Variants in NLRP13 observed in about 807,000 individuals in gnomAD.
The protein encoded by NLRP13 is NACHT, LRR and PYD domains-containing protein 13.
In NLRP13, 82 loss-of-function variants were observed where a neutral mutation model predicts 94.4. That is an observed-to-expected ratio of 0.87 (90% CI 0.73 to 1.04). The LOEUF (loss-of-function observed/expected upper bound fraction) is 1.04. Among genes scored for constraint, NLRP13 ranks in the 50% least tolerant of loss-of-function variants. NLRP13 has a pLI of 0.00. For missense variants in NLRP13, 1,426 were observed against 1,230.8 expected (o/e 1.16, Z -2.37); for synonymous variants, 553 against 464.7 (o/e 1.19, Z -2.45).
rs374055976 is a variant in NLRP13, at chr19:55,897,869, C to T, written c.2957+901G>A. On this transcript the variant is annotated intron_variant, in intron 10 of 10. Coordinates refer to ENST00000342929, the MANE Select transcript of NLRP13 (RefSeq NM_176810.2). Reference sequence around the variant, plus strand: ...TTCATTTGATACTAACAAATCCTAACACTGTTTCTGAAAACATCACTGAGC... The same window carrying T: ...TTCATTTGATACTAACAAATCCTAATACTGTTTCTGAAAACATCACTGAGC... 3.1e-4 allele frequency among the ~76,000 whole-genome samples: 47 copies of T among 152,278 alleles called. 1 individual carries two copies. Among genetic ancestry groups the T allele is most frequent in the African/African-American group, 1.1e-3 (46 of 41,558 alleles).
At chr19:55,930,898 A>ATATATGTATATATAT in intron 1 of NLRP13, among the ~76,000 whole-genome samples, 1 of 104,898 alleles carries the variant, frequency 9.5e-6, no homozygotes, top group African/African-American at 3.9e-5. Flanking sequence ...ATATATATAT[A>ATATATGTATATATAT]AAATTTTAAC....
intron 9 of NLRP13, among the ~76,000 whole-genome samples, chr19:55,900,874 A>T (rs1986150124): frequency 1.3e-5 from 2 of 152,062 alleles, no homozygotes; most frequent in Admixed American, 6.6e-5. Flanking sequence ...ATAGGCCATA[A>T]ATCAATAATT....
intron 4 of NLRP13, among the ~76,000 whole-genome samples, chr19:55,917,739 A>G (rs1986706790): frequency 7.5e-6 from 1 of 133,920 alleles, no homozygotes; most frequent in Non-Finnish European, 1.8e-5. Context: ...TCCTAAACAT[A>G]TATACATCCA....
intron 6 of NLRP13, 86 bp from the exon 7 acceptor site, chr19:55,908,042 C>T: frequency 8.3e-7 from 1 of 1,199,056 alleles, no homozygotes. Flanking sequence ...CTGCCTTCTA[C>T]TACACTCACT....
In NLRP13 at chr19:55,923,975, A is replaced by T; in HGVS notation, c.462T>A (p.Asn154Lys). 1 of 1,613,224 alleles carries T rather than the reference A, an allele frequency of 6.2e-7. No homozygotes were observed. Among genetic ancestry groups the T allele is most frequent in the East Asian group, 2.2e-5 (1 of 44,862 alleles). ...GATCTTGGCATCCCTGGGCCTGTAC[A>T]TTCCCTGAAATAAACAGTGATGATG... ...ELDELEEETGNVQAQGCQDPN... is the reference protein window; with the variant it reads ...ELDELEEETGKVQAQGCQDPN... Residue 154 changes from asparagine (N) to lysine (K), a missense_variant, in exon 4 of 11, where the codon AAT becomes AAA. Asn to Lys is a moderately conservative substitution (Grantham distance 94, BLOSUM62 0). Transcript: ENST00000342929.
chr19:55,904,139 C>T (rs984205140), intron 8 of NLRP13, among the ~76,000 whole-genome samples: 4 of 152,206 alleles, frequency 2.6e-5, no homozygotes, highest in Non-Finnish European at 5.9e-5. Flanking sequence ...GTCATCCGGG[C>T]TGGAGTGTAG....
Position 55,907,852 on chromosome 19 carries a change from A to C in NLRP13, c.2387T>G (p.Met796Arg). The C allele has an allele frequency of 1.2e-6, 2 of 1,613,938 alleles. No homozygotes were observed. Among genetic ancestry groups the C allele is most frequent in the Non-Finnish European group, 1.7e-6 (2 of 1,179,940 alleles). Residue 796 changes from methionine to arginine, a missense_variant, in exon 7 of 11, where the codon ATG becomes AGG. Transcript: ENST00000342929. ...HLNFSSNKLGMTVPLILKALR... is the reference protein window; with the variant it reads ...HLNFSSNKLGRTVPLILKALR... ...AGCTTTAAGAATCAGGGGGACAGTCATTCCCAGCTTGTTAGAGCTGAAGTT... is the reference window on the plus strand; with the variant it reads ...AGCTTTAAGAATCAGGGGGACAGTCCTTCCCAGCTTGTTAGAGCTGAAGTT...
rs143540482 is a variant in NLRP13 at position 55,932,002 on chromosome 19, C to T, written c.310G>A (p.Glu104Lys). Residue 104 changes from glutamate (E) to lysine (K), a missense_variant, in exon 1 of 11, where the codon GAG becomes AAG. Glu to Lys is a moderately conservative substitution (Grantham distance 56). Transcript: ENST00000342929. ...LTSLCEKVRA[E>K]MKENVQTQEL... ...TCTTGAGGACTCTCACCTTTCATCTCGGCTCTAACTTTCTCACACAGTGAG... is the reference window on the plus strand; with the variant it reads ...TCTTGAGGACTCTCACCTTTCATCTTGGCTCTAACTTTCTCACACAGTGAG... The T allele has an allele frequency of 3.0e-4, 485 of 1,613,246 alleles. 1 individual carries two copies. The African/African-American group carries it at 5.4e-3, about 18-fold the overall frequency.
At chr19:55,919,406 C>A (rs1272132887) in intron 4 of NLRP13, among the ~76,000 whole-genome samples, 1 of 151,928 alleles carries the variant, frequency 6.6e-6, no homozygotes, top group African/African-American at 2.4e-5. Flanking sequence ...AAAAAGGTAT[C>A]TAAATTGTAA....
intron 4 of NLRP13, among the ~76,000 whole-genome samples, chr19:55,917,640 T>C (rs1263094386): frequency 6.6e-6 from 1 of 151,962 alleles, no homozygotes; most frequent in African/African-American, 2.4e-5. Flanking sequence ...TTATATTAGT[T>C]GAAAGACTTT....
intron 1 of NLRP13, among the ~76,000 whole-genome samples, chr19:55,930,130 C>T (rs1987073650): frequency 6.6e-6 from 1 of 152,082 alleles, no homozygotes; most frequent in South Asian, 2.1e-4. Context: ...ATATGGAAGA[C>T]TCAGTATTGC....
Position 55,932,263 on chromosome 19 carries a change from G to A in NLRP13, c.49C>T (p.Leu17Phe). ...TCPNGGTNQG[L>F]LPYLMALDQY... ...TCCAGGGCCATCAGGTAAGGCAGAAGCCCTTGGTTGGTACCACCGTTGGGG... is the reference window on the plus strand; with the variant it reads ...TCCAGGGCCATCAGGTAAGGCAGAAACCCTTGGTTGGTACCACCGTTGGGG... Residue 17 changes from leucine (L) to phenylalanine (F), a missense_variant, in exon 1 of 11, where the codon CTT becomes TTT. Physicochemically the swap from Leu to Phe is conservative, Grantham distance 22. Transcript: ENST00000342929. The A allele has an allele frequency of 6.2e-7, 1 of 1,611,116 alleles. No homozygotes were observed. Among genetic ancestry groups the A allele is most frequent in the Non-Finnish European group, 8.5e-7 (1 of 1,179,240 alleles).
At chr19:55,931,724 A>AGAAAGAAAGACAGAC (rs1568449426) in intron 1 of NLRP13, among the ~76,000 whole-genome samples, 1 of 137,028 alleles carries the variant, frequency 7.3e-6, no homozygotes, top group Non-Finnish European at 1.6e-5. Context: ...AAAAAAAAAA[A>AGAAAGAAAGACAGAC]AGAAAGAAAG....
At chr19:55,898,272 C>A (rs530053605) in intron 10 of NLRP13, among the ~76,000 whole-genome samples, 1 of 144,264 alleles carries the variant, frequency 6.9e-6, no homozygotes, top group Non-Finnish European at 1.5e-5. Flanking sequence ...TGCAATGGCA[C>A]AATCTCAGCT....
At chr19:55,895,178 C>T (rs781037230), downstream of NLRP13, among the ~76,000 whole-genome samples, 24 of 144,830 alleles carry the variant, frequency 1.7e-4, 1 homozygote, top group Non-Finnish European at 3.4e-4. Context: ...GTGAAACCCC[C>T]GTGTCTACTA....
At position 55,925,026 on chromosome 19, in the gene NLRP13, T is replaced by C; in HGVS notation, c.329A>G (p.Gln110Arg). The C allele has an allele frequency of 6.2e-7, 1 of 1,614,064 alleles. No individual in the cohort carries two copies. The highest frequency in any genetic ancestry group is 8.5e-7 in the Non-Finnish European group (1 of 1,179,958). The change falls in exon 2 of 11, where the codon CAG becomes CGG. Residue 110 changes from glutamine to arginine, a missense_variant. Transcript: ENST00000342929. ...KVRAEMKENV[Q>R]TQELQDPTQE... is the part of the protein sequence containing the mutation. ...GGTTGGATCTTGCAGCTCTTGGGTC[T>C]GCACATTCTCTGAAACAAACAGTGA...
intron 7 of NLRP13, among the ~76,000 whole-genome samples, chr19:55,906,431 A>C (rs1986353807): frequency 6.6e-6 from 1 of 151,990 alleles, no homozygotes; most frequent in African/African-American, 2.4e-5. Context: ...AAGTAAATGC[A>C]GTAGGGGGAT....
At chr19:55,925,763 G>A (rs1201621326) in intron 1 of NLRP13, among the ~76,000 whole-genome samples, 1 of 152,114 alleles carries the variant, frequency 6.6e-6, no homozygotes, top group South Asian at 2.1e-4. Flanking sequence ...TGCATCTAGA[G>A]ATATGGCTCT....
At chr19:55,894,654 A>G (rs1866196906), downstream of NLRP13, among the ~76,000 whole-genome samples, 1 of 152,152 alleles carries the variant, frequency 6.6e-6, no homozygotes, top group Non-Finnish European at 1.5e-5. Flanking sequence ...CTTTCACAGC[A>G]TTCATGACAA....
Sources: gnomAD v4.1 joint callset for allele counts (sites outside exome capture counted in the v4.1 genomes callset) on GRCh38, gnomAD v4.1.1 for gene constraint, MANE v1.5 for transcripts, NCBI Gene and HGNC (gene_info 2026-07-23, HGNC 2026-07-21) for gene names.